Variants in ANAPC1 observed in about 807,000 individuals in gnomAD.
ANAPC1 encodes anaphase promoting complex subunit 1, also known as anaphase-promoting complex subunit 1.
Under a neutral mutation model 208.0 loss-of-function variants are expected in ANAPC1, and 36 were observed. That is an observed-to-expected ratio of 0.17 (90% confidence interval 0.13 to 0.23). ANAPC1 has a LOEUF of 0.23. ANAPC1 is among the 10% of genes least tolerant of loss of function. The pLI, the probability that ANAPC1 is intolerant of heterozygous loss-of-function variation, is 1.00. For missense variants in ANAPC1, 942 were observed against 2,011.6 expected (o/e 0.47, Z 10.17); for synonymous variants, 378 against 695.2 (o/e 0.54, Z 7.18).
At chr2:111,801,329 C>T (rs1251451001) in intron 33 of ANAPC1, among the ~76,000 whole-genome samples, 1 of 148,850 alleles carries the variant, frequency 6.7e-6, no homozygotes, top group Non-Finnish European at 1.5e-5. Context: ...TGCACTCCAG[C>T]CTGGGCCACA....
intron 16 of ANAPC1, among the ~76,000 whole-genome samples, chr2:111,844,997 C>T (rs1426057282): frequency 1.3e-5 from 2 of 152,184 alleles, no homozygotes; most frequent in Non-Finnish European, 2.9e-5. Context: ...AGATGCATGC[C>T]AGCATGCCTG....
At chr2:111,819,204 C>T in intron 26 of ANAPC1, 2 of 984,854 alleles carry the variant, frequency 2.0e-6, no homozygotes, top group Non-Finnish European at 2.4e-6. Context: ...TGAATGAAAA[C>T]CACCTGGCCT....
At chr2:111,801,298 A>T (rs1434905299) in intron 33 of ANAPC1, among the ~76,000 whole-genome samples, 5 of 150,698 alleles carry the variant, frequency 3.3e-5, no homozygotes, top group African/African-American at 1.2e-4. Context: ...CAAAGGTTGC[A>T]GTGAGCCAAG....
intron 37 of ANAPC1, among the ~76,000 whole-genome samples, chr2:111,793,045 T>A (rs1677974291): frequency 7.2e-6 from 1 of 138,106 alleles, no homozygotes; most frequent in Non-Finnish European, 1.6e-5. Flanking sequence ...TATCAAGACA[T>A]AACAATCACT....
chr2:111,851,610 T>A (rs1029010418), intron 13 of ANAPC1, among the ~76,000 whole-genome samples: 3 of 151,310 alleles, frequency 2.0e-5, no homozygotes, highest in Admixed American at 6.6e-5. Context: ...TTCAAGAGCA[T>A]CCTGCCTAAC....
Position 111,858,417 on chromosome 2 carries a change from T to C in ANAPC1, c.1263-16A>G. On this transcript the variant is annotated splice_polypyrimidine_tract_variant and intron_variant, in intron 10 of 47. Transcript: ENST00000341068. ...ATTTTTCTCTCTATAATAGATACATTAATAAAGTAACTGTCAGCACTGGTC... is the reference window on the plus strand; with the variant it reads ...ATTTTTCTCTCTATAATAGATACATCAATAAAGTAACTGTCAGCACTGGTC... 4 of 1,591,568 alleles carry C rather than the reference T, an allele frequency of 2.5e-6. No homozygotes were observed. The highest frequency in any genetic ancestry group is 2.6e-6 in the Non-Finnish European group (3 of 1,161,684).
intron 10 of ANAPC1, among the ~76,000 whole-genome samples, chr2:111,860,275 C>T (rs1018623550): frequency 6.6e-6 from 1 of 151,524 alleles, no homozygotes; most frequent in Admixed American, 6.6e-5. Flanking sequence ...TGTACTCCAA[C>T]CTGGGTGACA....
At chr2:111,834,206 C>T (rs1396536172) in intron 19 of ANAPC1, among the ~76,000 whole-genome samples, 1 of 152,124 alleles carries the variant, frequency 6.6e-6, no homozygotes, top group Non-Finnish European at 1.5e-5. Flanking sequence ...AGGAAACTTA[C>T]CTTGTTTGAG....
chr2:111,768,222 A>C lies in ANAPC1; in HGVS notation c.*1069T>G, dbSNP rs1483508681. The C allele has an allele frequency of 1.3e-5, 2 of 152,190 alleles. No individual in the cohort carries two copies. The highest frequency in any genetic ancestry group is 4.8e-5 in the African/African-American group (2 of 41,406). The allele number at this position is 152,190 out of a possible 1,614,324, so 9.4% of individuals were successfully genotyped here. The stretch of plus-strand genomic sequence containing the variant: ...TCGAAGCTGGAGGTGCCTTTATATG[A>C]ACATTTTTCATCATCATCTAGTCCA... On this transcript the variant is annotated 3_prime_UTR_variant, in exon 48 of 48. Transcript: ENST00000341068.
At chr2:111,828,977 G>A (rs1455367915) in intron 21 of ANAPC1, among the ~76,000 whole-genome samples, 1 of 152,196 alleles carries the variant, frequency 6.6e-6, no homozygotes, top group East Asian at 1.9e-4. Flanking sequence ...CACTTTGGGA[G>A]GCCAAGGTGG....
At chr2:111,838,660 T>A (rs1680603883) in intron 17 of ANAPC1, 148 bp from the exon 18 acceptor site, 2 of 593,350 alleles carry the variant, frequency 3.4e-6, no homozygotes, top group Middle Eastern at 4.7e-4. Flanking sequence ...AAGGCATTAT[T>A]TAAATATCTT....
chr2:111,792,420 A>G lies in ANAPC1; in HGVS notation c.4654T>C (p.Tyr1552His). The G allele has an allele frequency of 6.2e-7, 1 of 1,612,118 alleles. No homozygotes were observed. Among genetic ancestry groups the G allele is most frequent in the Non-Finnish European group, 8.5e-7 (1 of 1,179,094 alleles). The change falls in exon 38 of 48, where the codon TAT becomes CAT. Residue 1552 changes from tyrosine to histidine, a missense_variant. Physicochemically the swap from Tyr to His is moderately conservative, Grantham distance 83 (BLOSUM62 2). Transcript: ENST00000341068. ...ATGTGGTGGGCTAAGTGAAAACCAT[A>G]GTTCATTTCACCACCCGTTTTCATG... is the stretch of plus-strand genomic sequence containing the variant. ...LHMKTGGEMN[Y>H]GFHLAHHMAL...
intron 21 of ANAPC1, among the ~76,000 whole-genome samples, chr2:111,830,241 G>A (rs1680063265): frequency 6.6e-6 from 1 of 152,156 alleles, no homozygotes; most frequent in Non-Finnish European, 1.5e-5. Flanking sequence ...ACACAAGAAT[G>A]TGGCCAAATT....
chr2:111,767,469 C>T (rs1458284007), downstream of ANAPC1, among the ~76,000 whole-genome samples: 2 of 152,100 alleles, frequency 1.3e-5, no homozygotes, highest in Non-Finnish European at 2.9e-5. Context: ...GCTGACTTCC[C>T]AGCCTCCCCT....
intron 13 of ANAPC1, among the ~76,000 whole-genome samples, chr2:111,851,960 A>C (rs980423002): frequency 1.3e-5 from 2 of 152,220 alleles, no homozygotes; most frequent in African/African-American, 4.8e-5. Context: ...AAAATGAGAT[A>C]TTAACAACGT....
intron 34 of ANAPC1, among the ~76,000 whole-genome samples, chr2:111,795,437 A>T (rs1678116208): frequency 6.7e-6 from 1 of 149,010 alleles, no homozygotes; most frequent in African/African-American, 2.5e-5. Context: ...TATAAACAGG[A>T]AGACGTAAGT....
chr2:111,771,609 T>C (rs1676743350), intron 47 of ANAPC1, among the ~76,000 whole-genome samples: 1 of 151,790 alleles, frequency 6.6e-6, no homozygotes, highest in Non-Finnish European at 1.5e-5. Flanking sequence ...AGCTTTTATA[T>C]TTGTTTTTGA....
chr2:111,775,201 G>A (rs1269879603), intron 46 of ANAPC1, among the ~76,000 whole-genome samples: 4 of 152,210 alleles, frequency 2.6e-5, no homozygotes, highest in African/African-American at 9.6e-5. Flanking sequence ...AGGAGGTGGA[G>A]GTTGCAGTGA....
chr2:111,862,733 T>A, intron 9 of ANAPC1, 135 bp from the exon 10 acceptor site: 2 of 1,237,826 alleles, frequency 1.6e-6, no homozygotes, highest in South Asian at 3.6e-5. Flanking sequence ...AAATTAAAAT[T>A]TTTCAAAAAG....
Sources: allele counts gnomAD v4.1 joint callset (sites outside exome capture counted in the v4.1 genomes callset), GRCh38; gene constraint gnomAD v4.1.1; transcripts MANE v1.5; gene names NCBI Gene and HGNC (gene_info 2026-07-23, HGNC 2026-07-21).